ZNF75D: variants seen among roughly 807,000 people sequenced by gnomAD.
The protein encoded by ZNF75D is zinc finger protein 75.
A neutral mutation model predicts 33.3 loss-of-function variants in ZNF75D; 33 were observed. That is an observed-to-expected ratio of 0.99 (90% CI 0.75 to 1.32). The LOEUF (loss-of-function observed/expected upper bound fraction) is 1.32. Ranked by LOEUF, ZNF75D falls within the 40% of genes most tolerant of loss-of-function variation. The probability of loss-of-function intolerance (pLI) is 0.00; values close to 1 mark genes in which losing one functional copy is unlikely to be tolerated. For synonymous variants in ZNF75D, 113 were observed against 130.6 expected (o/e 0.87, Z 0.92); for missense variants, 338 against 367.5 (o/e 0.92, Z 0.66).
Position 135,291,567 on chromosome X carries a change from T to C in ZNF75D, c.605-4A>G. 3 of 1,206,596 alleles carry C rather than the reference T, an allele frequency of 2.5e-6. No homozygotes were observed. Among genetic ancestry groups the C allele is most frequent in the South Asian group, 3.6e-5 (2 of 55,737 alleles). On this transcript the variant is annotated splice_polypyrimidine_tract_variant and splice_region_variant and intron_variant, in intron 4 of 6. Transcript: ENST00000370766. ...AACATCTGTTGATCATGCACAGCTG[T>C]GGGTAGAAAATAGCCAGGGAAAATT...
intron 1 of ZNF75D, among the ~76,000 whole-genome samples, chrX:135,258,744 T>C (rs782722173): frequency 4.5e-5 from 5 of 112,159 alleles, no homozygotes; most frequent in East Asian, 2.8e-4. Context: ...ATTCTGTAGG[T>C]TGCCTGTTCA....
chrX:135,300,331 C>T (rs1556424283), intron 1 of ZNF75D, among the ~76,000 whole-genome samples: 2 of 111,658 alleles, frequency 1.8e-5, no homozygotes, highest in African/African-American at 3.3e-5. Context: ...CACTTTTTTC[C>T]AGGCATAAAG....
chrX:135,291,720 T>C (rs1305329855), intron 4 of ZNF75D, 157 bp from the exon 5 acceptor site: 5 of 711,632 alleles, frequency 7.0e-6, no homozygotes, highest in Non-Finnish European at 8.0e-6. Context: ...TCATTGTAAA[T>C]AAGAACCAAA....
At chrX:135,266,721 C>G (rs782556895) in intron 1 of ZNF75D, among the ~76,000 whole-genome samples, 37 of 111,642 alleles carry the variant, frequency 3.3e-4, no homozygotes, top group Non-Finnish European at 6.4e-4. Flanking sequence ...GACAGATCTC[C>G]CAGACTGAAA....
Position 135,342,367 on chromosome X carries a change from GA to G in ZNF75D, c.-991del, listed in dbSNP as rs1556445232. The G allele has an allele frequency of 1.8e-5, 2 of 112,153 alleles. No individual in the cohort carries two copies. 9.2% of individuals were successfully genotyped at this position (112,153 alleles called of 1,213,427 possible). On this transcript the variant is annotated 5_prime_UTR_variant, in exon 1 of 7. The change abolishes the stop of an existing upstream ORF in the 5' untranslated region. Coordinates refer to ENST00000370766, the MANE Select transcript of ZNF75D (RefSeq NM_007131.5). Reference sequence around the variant, plus strand: ...CATCATGACAGGGCTCGATAGAAAAGAAAAATTATGACAGGAATCTGCGTGT... The same window carrying G: ...CATCATGACAGGGCTCGATAGAAAAGAAAATTATGACAGGAATCTGCGTGT...
rs782539455 is a variant in ZNF75D, at chrX:135,294,016, T to G, written c.125A>C (p.Asn42Thr). The change falls in exon 3 of 7, where the codon AAT becomes ACT. Residue 42 changes from asparagine to threonine, a missense_variant. Coordinates refer to ENST00000370766, the MANE Select transcript of ZNF75D (RefSeq NM_007131.5). ...CCTGCAAGCGCTCTCAGGACCAAGATTCTCTATTTTTGTGCTGTATTTCTT... is the reference window on the plus strand; with the variant it reads ...CCTGCAAGCGCTCTCAGGACCAAGAGTCTCTATTTTTGTGCTGTATTTCTT... ...QSKKYSTKIENLGPESACRHF... is the reference protein window; with the variant it reads ...QSKKYSTKIETLGPESACRHF... The G allele has an allele frequency of 4.1e-6, 5 of 1,210,098 alleles. No individual in the cohort carries two copies. In the African/African-American group the frequency reaches 8.7e-5, roughly 21 times the overall value.
chrX:135,260,938 C>T (rs1162116650), intron 1 of ZNF75D, among the ~76,000 whole-genome samples: 2 of 112,266 alleles, frequency 1.8e-5, no homozygotes, highest in African/African-American at 6.5e-5. Context: ...GCATTTAGTG[C>T]TATAAATTTC....
At chrX:135,289,269 AGT>A (rs1348739298) in intron 6 of ZNF75D, among the ~76,000 whole-genome samples, 6 of 112,214 alleles carry the variant, frequency 5.3e-5, no homozygotes, top group Admixed American at 4.7e-4. Context: ...AGCCCTTGGG[AGT>A]GGGCTTCACC....
chrX:135,297,177 C>T (rs1239144598), intron 1 of ZNF75D: 1 of 111,563 alleles, frequency 9.0e-6, no homozygotes, highest in Admixed American at 9.5e-5. Context: ...TGTGAAAAAC[C>T]ACTCAGACAA....
At chrX:135,324,812 C>A (rs1328559143) in intron 1 of ZNF75D, among the ~76,000 whole-genome samples, 1 of 112,458 alleles carries the variant, frequency 8.9e-6, no homozygotes, top group Non-Finnish European at 1.9e-5. Context: ...TCTGAGAATA[C>A]GGTACATGCT....
chrX:135,338,405 A>AT (rs1453280071), intron 1 of ZNF75D, among the ~76,000 whole-genome samples: 1 of 112,121 alleles, frequency 8.9e-6, no homozygotes. Context: ...TTACAAGTAC[A>AT]TATTTCTTTT....
intron 1 of ZNF75D, among the ~76,000 whole-genome samples, chrX:135,303,176 G>A (rs906499709): frequency 1.1e-4 from 12 of 110,594 alleles, no homozygotes; most frequent in African/African-American, 3.6e-4. Context: ...GTTTTACACC[G>A]AGACATTCCA....
Position 135,293,775 on chromosome X carries a change from G to T in ZNF75D, c.366C>A (p.Val122=). ...HHPQNVKQAL[V]LVEFLQREPD... is the part of the protein sequence containing the mutation. ...GCTCCCTCTGCAAGAATTCCACCAG[G>T]ACCAGAGCCTGTTTGACATTCTGTG... The change falls in exon 3 of 7, where the codon GTC becomes GTA. Residue 122 remains valine, a synonymous_variant. Coordinates refer to ENST00000370766, the MANE Select transcript of ZNF75D (RefSeq NM_007131.5). 1 of 1,199,080 alleles carries T rather than the reference G, an allele frequency of 8.3e-7. No homozygotes were observed. Among genetic ancestry groups the T allele is most frequent in the East Asian group, 3.0e-5 (1 of 33,617 alleles).
At chrX:135,301,874 C>T (rs1167697767) in intron 1 of ZNF75D, among the ~76,000 whole-genome samples, 1 of 112,428 alleles carries the variant, frequency 8.9e-6, no homozygotes, top group African/African-American at 3.2e-5. Context: ...ACTGCCCTAG[C>T]AGAGGTTCTC....
chrX:135,336,162 G>C (rs1190351106), intron 1 of ZNF75D, among the ~76,000 whole-genome samples: 1 of 111,191 alleles, frequency 9.0e-6, no homozygotes, highest in African/African-American at 3.3e-5. Flanking sequence ...GTCCTTTTAA[G>C]AGGCCTGAGT....
intron 6 of ZNF75D, among the ~76,000 whole-genome samples, chrX:135,290,025 C>T (rs938118452): frequency 8.9e-6 from 1 of 111,809 alleles, no homozygotes; most frequent in African/African-American, 3.2e-5. Context: ...TGTGTTACAC[C>T]GCTTATCCCA....
intron 4 of ZNF75D, 119 bp from the exon 5 acceptor site, chrX:135,291,682 G>A (rs989737364): frequency 4.0e-6 from 4 of 1,005,345 alleles, no homozygotes; most frequent in Admixed American, 6.2e-5. Context: ...ATTGACAAGT[G>A]TGTGTGTGGT....
intron 1 of ZNF75D, among the ~76,000 whole-genome samples, chrX:135,329,640 A>T (rs1482230673): frequency 8.9e-6 from 1 of 112,234 alleles, no homozygotes; most frequent in Non-Finnish European, 1.9e-5. Context: ...ATAGGAATTC[A>T]GAAAAATTGC....
chrX:135,322,387 G>A (rs2084508006), intron 1 of ZNF75D, among the ~76,000 whole-genome samples: 1 of 111,995 alleles, frequency 8.9e-6, no homozygotes, highest in Non-Finnish European at 1.9e-5. Context: ...TTTCAACCTT[G>A]ACATCAAAGT....
Sources: gnomAD v4.1 joint callset for allele counts (sites outside exome capture counted in the v4.1 genomes callset) on GRCh38, gnomAD v4.1.1 for gene constraint, MANE v1.5 for transcripts, NCBI Gene and HGNC (gene_info 2026-07-23, HGNC 2026-07-21) for gene names.